FERRY3: variants seen among roughly 807,000 people sequenced by gnomAD.
The protein encoded by FERRY3 is FERRY endosomal RAB5 effector complex subunit 3.
At chr12:4,525,230 A>G in the FERRY3 span, 1 of 1,608,618 alleles carries the variant, frequency 6.2e-7, no homozygotes, top group African/African-American at 1.3e-5. Context: ...TACTATATGA[A>G]TAAGAACAAT....
At chr12:4,517,710 C>CAGAGAGAGAGAGAGAGAGAGAG in the FERRY3 span, among the ~76,000 whole-genome samples, 68 of 132,296 alleles carry the variant, frequency 5.1e-4, no homozygotes, top group African/African-American at 1.7e-3. Flanking sequence ...TATATATAGA[C>CAGAGAGAGAGAGAGAGAGAGAG]AGAGAGAGAG....
the FERRY3 span, among the ~76,000 whole-genome samples, chr12:4,507,401 A>G: frequency 6.6e-6 from 1 of 152,190 alleles, no homozygotes; most frequent in Non-Finnish European, 1.5e-5. Flanking sequence ...GCTCTGTTAT[A>G]TATAACACAT....
chr12:4,490,584 T>C, the FERRY3 span: 1 of 1,610,570 alleles, frequency 6.2e-7, no homozygotes, highest in Non-Finnish European at 8.5e-7. Flanking sequence ...ATTTCCATCA[T>C]GAAACCTAAA....
the FERRY3 span, among the ~76,000 whole-genome samples, chr12:4,499,339 A>G: frequency 6.6e-6 from 1 of 152,210 alleles, no homozygotes; most frequent in Non-Finnish European, 1.5e-5. Flanking sequence ...AAGCAGGCAC[A>G]GAGTTGCTGA....
chr12:4,520,541 C>A, the FERRY3 span, among the ~76,000 whole-genome samples: 1 of 152,136 alleles, frequency 6.6e-6, no homozygotes, highest in Non-Finnish European at 1.5e-5. Flanking sequence ...CCTCCTGGAC[C>A]CCCAAGTGCC....
At chr12:4,520,901 T>C in the FERRY3 span, among the ~76,000 whole-genome samples, 1 of 151,962 alleles carries the variant, frequency 6.6e-6, no homozygotes, top group Non-Finnish European at 1.5e-5. Context: ...AGCTAATAAA[T>C]AAAGTCTAAC....
At chr12:4,534,091 C>A in the FERRY3 span, 1 of 1,467,532 alleles carries the variant, frequency 6.8e-7, no homozygotes, top group South Asian at 1.4e-5. Context: ...ATTACCACAG[C>A]ATTTTAAAAA....
the FERRY3 span, among the ~76,000 whole-genome samples, chr12:4,506,504 A>G: frequency 6.6e-6 from 1 of 152,208 alleles, no homozygotes; most frequent in African/African-American, 2.4e-5. Flanking sequence ...CGTTTCTAAT[A>G]TAGAGCCATG....
the FERRY3 span, among the ~76,000 whole-genome samples, chr12:4,528,899 A>C: frequency 1.4e-3 from 36 of 25,988 alleles, no homozygotes; most frequent in African/African-American, 6.3e-3. Context: ...AATCAGTTAC[A>C]CACACACACA....
At chr12:4,517,204 A>G in the FERRY3 span, 1 of 1,519,976 alleles carries the variant, frequency 6.6e-7, no homozygotes, top group Non-Finnish European at 8.8e-7. Context: ...GGGACCCAAA[A>G]CATTTACAAA....
the FERRY3 span, among the ~76,000 whole-genome samples, chr12:4,530,400 T>C: frequency 1.3e-5 from 2 of 152,192 alleles, no homozygotes; most frequent in Non-Finnish European, 2.9e-5. Flanking sequence ...AAAATGCTAA[T>C]GGTGGCTATT....
chr12:4,489,769 A>G, the FERRY3 span: 4 of 1,441,688 alleles, frequency 2.8e-6, no homozygotes, highest in Non-Finnish European at 3.9e-6. Flanking sequence ...TGGAGAGTTT[A>G]ACAATCATCT....
At chr12:4,501,330 A>T in the FERRY3 span, among the ~76,000 whole-genome samples, 1 of 152,296 alleles carries the variant, frequency 6.6e-6, no homozygotes, top group South Asian at 2.1e-4. Context: ...ATATCATATT[A>T]TATCTCTCCC....
chr12:4,492,512 T>C, the FERRY3 span, among the ~76,000 whole-genome samples: 1 of 152,252 alleles, frequency 6.6e-6, no homozygotes, highest in African/African-American at 2.4e-5. Context: ...TCAATGATTA[T>C]TAATTACCAA....
At chr12:4,523,928 T>A in the FERRY3 span, among the ~76,000 whole-genome samples, 4 of 152,058 alleles carry the variant, frequency 2.6e-5, no homozygotes, top group African/African-American at 9.7e-5. Context: ...CTGCACGTTG[T>A]GCACATGTAC....
At chr12:4,518,035 A>C in the FERRY3 span, 1 of 1,580,904 alleles carries the variant, frequency 6.3e-7, no homozygotes, top group Admixed American at 1.7e-5. Context: ...TTAACAAAAT[A>C]AATGTGTATG....
At chr12:4,514,935 T>G in the FERRY3 span, among the ~76,000 whole-genome samples, 1 of 148,948 alleles carries the variant, frequency 6.7e-6, no homozygotes, top group Admixed American at 6.7e-5. Flanking sequence ...TAAACAAACC[T>G]ATGGTACCAA....
the FERRY3 span, among the ~76,000 whole-genome samples, chr12:4,534,473 A>G: frequency 6.6e-6 from 1 of 152,166 alleles, no homozygotes; most frequent in African/African-American, 2.4e-5. Context: ...GCATGATCAC[A>G]GTTCACTGCA....
chr12:4,489,908 C>T, the FERRY3 span: 459 of 1,525,766 alleles, frequency 3.0e-4, 1 homozygote, highest in South Asian at 5.6e-4. Flanking sequence ...CTCTGTAAGA[C>T]GAAAAAATAA....
Sources: gnomAD v4.1 joint callset for allele counts (sites outside exome capture counted in the v4.1 genomes callset) on GRCh38, gnomAD v4.1.1 for gene constraint, MANE v1.5 for transcripts, NCBI Gene and HGNC (gene_info 2026-07-23, HGNC 2026-07-21) for gene names.